The following PLCG2 variants were observed in gnomAD, a reference collection of about 807,000 sequenced individuals.
PLCG2 encodes the protein 1-phosphatidylinositol 4,5-bisphosphate phosphodiesterase gamma-2.
In PLCG2, 69 loss-of-function variants were observed where a neutral mutation model predicts 175.6. That is an observed-to-expected ratio of 0.39 (90% CI 0.32 to 0.48). PLCG2 has a LOEUF of 0.48. Ranked by LOEUF, PLCG2 falls within the 20% of genes least tolerant of loss-of-function variation. The pLI, the probability that PLCG2 is intolerant of heterozygous loss-of-function variation, is 0.91. For missense variants in PLCG2, 1,798 were observed against 1,650.9 expected (o/e 1.09, Z -1.54); for synonymous variants, 827 against 624.0 (o/e 1.33, Z -4.85).
intron 2 of PLCG2, among the ~76,000 whole-genome samples, chr16:81,851,857 C>G (rs1303339286): frequency 6.6e-6 from 1 of 152,228 alleles, no homozygotes; most frequent in African/African-American, 2.4e-5. Context: ...TCTAATTGAG[C>G]TAGACCCACG....
intron 2 of PLCG2, among the ~76,000 whole-genome samples, chr16:81,843,463 C>T (rs373816090): frequency 5.3e-5 from 8 of 152,300 alleles, no homozygotes; most frequent in African/African-American, 1.4e-4. Context: ...CAGAGACAAG[C>T]GCTGATGCAT....
chr16:81,907,919 C>G (rs899699540), intron 16 of PLCG2, 145 bp downstream of exon 16: 2 of 607,858 alleles, frequency 3.3e-6, no homozygotes, highest in African/African-American at 3.7e-5. Context: ...ACTCTGGGTA[C>G]CATGTCCTGG....
intron 26 of PLCG2, among the ~76,000 whole-genome samples, chr16:81,935,339 T>A (rs1910662765): frequency 6.6e-6 from 1 of 152,016 alleles, no homozygotes; most frequent in Admixed American, 6.5e-5. Flanking sequence ...TCAAGCTCCT[T>A]AATCACACCT....
At chr16:81,860,172 A>ATTATTT (rs763047744) in intron 5 of PLCG2, among the ~76,000 whole-genome samples, 13 of 120,604 alleles carry the variant, frequency 1.1e-4, no homozygotes, top group Middle Eastern at 4.4e-3. Flanking sequence ...TATTATTATT[A>ATTATTT]TTTTTTTTTT....
At chr16:81,862,544 G>A (rs1312324089) in intron 5 of PLCG2, among the ~76,000 whole-genome samples, 1 of 152,188 alleles carries the variant, frequency 6.6e-6, no homozygotes, top group East Asian at 1.9e-4. Context: ...CCCCACTGGT[G>A]TTGCTTTTCC....
At chr16:81,741,173 A>T (rs907411386) in intron 1 of PLCG2, among the ~76,000 whole-genome samples, 2 of 151,690 alleles carry the variant, frequency 1.3e-5, no homozygotes, top group African/African-American at 4.8e-5. Context: ...TCCAGGTCTG[A>T]TGTGATTAGA....
chr16:81,836,087 C>T lies in PLCG2; in HGVS notation c.194-18357C>T, dbSNP rs72832057. Reference sequence around the variant, plus strand: ...ATGCAGTTCAACCCCCAACATTACCCGTTTATACTTTCTTTCCAGGGCCAC... The same window carrying T: ...ATGCAGTTCAACCCCCAACATTACCTGTTTATACTTTCTTTCCAGGGCCAC... On this transcript the variant is annotated intron_variant, in intron 2 of 32. Coordinates refer to ENST00000564138, the MANE Select transcript of PLCG2 (RefSeq NM_002661.5). Among the ~76,000 whole-genome samples the T allele has an allele frequency of 5.3e-5, 8 of 152,252 alleles. No individual in the cohort carries two copies. In the South Asian group the frequency reaches 6.2e-4, roughly 12 times the overall value.
At chr16:81,931,115 T>C (rs978864247) in intron 24 of PLCG2, 8 of 155,938 alleles carry the variant, frequency 5.1e-5, no homozygotes, top group African/African-American at 1.9e-4. Context: ...TGTTTTTTTT[T>C]CCTGCATCTT....
chr16:81,796,389 A>T (rs956272319), intron 2 of PLCG2, among the ~76,000 whole-genome samples: 1 of 152,218 alleles, frequency 6.6e-6, no homozygotes, highest in Non-Finnish European at 1.5e-5. Context: ...GCCAGCACAC[A>T]TGAGCAGGCT....
intron 1 of PLCG2, among the ~76,000 whole-genome samples, chr16:81,749,146 A>G (rs1240503197): frequency 6.6e-6 from 1 of 152,016 alleles, no homozygotes; most frequent in Non-Finnish European, 1.5e-5. Flanking sequence ...TTTGATTTAC[A>G]TGTTCTCACA....
At chr16:81,753,451 C>G (rs968539376) in intron 1 of PLCG2, among the ~76,000 whole-genome samples, 2 of 144,040 alleles carry the variant, frequency 1.4e-5, no homozygotes, top group East Asian at 2.1e-4. Flanking sequence ...TGGAGTCTCA[C>G]TCTGTTGCCC....
upstream of PLCG2, among the ~76,000 whole-genome samples, chr16:81,776,992 T>C (rs1910424185): frequency 6.6e-6 from 1 of 151,992 alleles, no homozygotes; most frequent in Non-Finnish European, 1.5e-5. Flanking sequence ...TAGCAAAAAA[T>C]GAGCCAAAGA....
chr16:81,775,845 T>A (rs1910387712), upstream of PLCG2, among the ~76,000 whole-genome samples: 1 of 152,108 alleles, frequency 6.6e-6, no homozygotes, highest in Non-Finnish European at 1.5e-5. Context: ...CTGACCCATT[T>A]GTGCATCTAT....
At chr16:81,849,951 C>G (rs980511032) in intron 2 of PLCG2, among the ~76,000 whole-genome samples, 1 of 152,178 alleles carries the variant, frequency 6.6e-6, no homozygotes, top group Non-Finnish European at 1.5e-5. Context: ...ACCTTAATAC[C>G]TTTCAAGTTT....
chr16:81,854,372 G>C lies in PLCG2; in HGVS notation c.194-72G>C, dbSNP rs34028338. On this transcript the variant is annotated intron_variant, in intron 2 of 32. Coordinates refer to ENST00000564138, the MANE Select transcript of PLCG2 (RefSeq NM_002661.5). ...GAAGGAGCCAGGCTGTGCCTGGGCT[G>C]CAGTTGTGTGGCTGCATCCTCAGGT... 0.1 allele frequency: 140,238 copies of C among 1,393,500 alleles called. 7,646 individuals carry two copies. Among genetic ancestry groups the C allele is most frequent in the Non-Finnish European group, 0.11 (105,608 of 984,064 alleles). 86.3% of individuals were successfully genotyped at this position (1,393,500 alleles called of 1,614,324 possible). A position where few individuals can be genotyped will look rare whatever the true frequency, so the allele number is the denominator to read the frequency against.
intron 12 of PLCG2, among the ~76,000 whole-genome samples, chr16:81,895,197 C>G (rs914697147): frequency 6.6e-6 from 1 of 152,162 alleles, no homozygotes; most frequent in Non-Finnish European, 1.5e-5. Flanking sequence ...TTTCCACGGG[C>G]AGAAAAGGCA....
At chr16:81,865,365 C>T (rs1419357762) in intron 5 of PLCG2, among the ~76,000 whole-genome samples, 1 of 152,012 alleles carries the variant, frequency 6.6e-6, no homozygotes, top group Non-Finnish European at 1.5e-5. Flanking sequence ...ACACACACAT[C>T]CAGAGGTGGG....
At chr16:81,882,194 T>G (rs1406386451) in intron 8 of PLCG2, among the ~76,000 whole-genome samples, 1 of 152,188 alleles carries the variant, frequency 6.6e-6, no homozygotes, top group East Asian at 1.9e-4. Flanking sequence ...TGTAGCAGAA[T>G]GTACTCCCCA....
intron 2 of PLCG2, among the ~76,000 whole-genome samples, chr16:81,848,158 G>A (rs140908912): frequency 7.2e-5 from 11 of 152,380 alleles, no homozygotes; most frequent in Non-Finnish European, 1.3e-4. Context: ...AGGATCAAGA[G>A]CGCAGAAATA....
Sources: gnomAD v4.1 joint callset for allele counts (sites outside exome capture counted in the v4.1 genomes callset) on GRCh38, gnomAD v4.1.1 for gene constraint, MANE v1.5 for transcripts, NCBI Gene and HGNC (gene_info 2026-07-23, HGNC 2026-07-21) for gene names.